The following SPTA1 variants were observed in gnomAD, a reference collection of about 807,000 sequenced individuals.
SPTA1 encodes spectrin alpha, erythrocytic 1, also known as spectrin alpha chain, erythrocytic 1.
Under a neutral mutation model 324.7 loss-of-function variants are expected in SPTA1, and 177 were observed. That is an observed-to-expected ratio of 0.55 (90% confidence interval 0.48 to 0.62). The LOEUF (loss-of-function observed/expected upper bound fraction) is 0.62. SPTA1 is among the 20% of genes least tolerant of loss of function. The probability of loss-of-function intolerance (pLI) is 0.00; values close to 1 mark genes in which losing one functional copy is unlikely to be tolerated. For missense variants in SPTA1, 3,162 were observed against 2,883.6 expected, an observed-to-expected ratio of 1.10 and a Z score of -2.21; for synonymous variants, 1,195 against 1,041.3, an observed-to-expected ratio of 1.15 and a Z score of -2.84.
chr1:158,648,664 A>G lies in SPTA1; in HGVS notation c.3570-11T>C, dbSNP rs551180246. 142 of 1,613,236 alleles carry G rather than the reference A, an allele frequency of 8.8e-5. 1 individual carries two copies. The South Asian group carries it at 1.4e-3, about 16-fold the overall frequency. ...GTGTCATCTGCTTCTCTGGTATACA[A>G]GAGAGTAGAGAGTTCAAAAGTAAGG... On this transcript the variant is annotated splice_polypyrimidine_tract_variant and intron_variant, in intron 25 of 51. Transcript: ENST00000643759.
intron 22 of SPTA1, 100 bp from the exon 23 acceptor site, chr1:158,652,753 G>A (rs2101863222): frequency 7.3e-7 from 1 of 1,376,978 alleles, no homozygotes; most frequent in African/African-American, 1.4e-5. Context: ...AAAAATGAAA[G>A]GGAAAACAAA....
At chr1:158,672,915 G>A (rs902719111) in intron 10 of SPTA1, among the ~76,000 whole-genome samples, 13 of 150,542 alleles carry the variant, frequency 8.6e-5, no homozygotes, top group Admixed American at 6.6e-4. Context: ...TGGCCAACAC[G>A]GTGAAACCCG....
At chr1:158,627,513 TTCTGCATATGATCTTAGCACTGCTC>T (rs1336668941) in intron 40 of SPTA1, 87 bp downstream of exon 40, 47 of 1,036,128 alleles carry the variant, frequency 4.5e-5, no homozygotes, top group East Asian at 1.4e-4. Flanking sequence ...ATTGTTAAAG[TTCTGCATATGATCTTAGCACTGCTC>T]TCTGCATATG....
rs375235247 is a variant in SPTA1, at chr1:158,667,985, C to T, written c.1911G>A (p.Leu637=). Reference sequence around the variant, plus strand: ...CTTGGCCAGTTTTCTGTATGTTTTCCAGCTGGGTCTTATTAACTGCCAACT... The same window carrying T: ...CTTGGCCAGTTTTCTGTATGTTTTCTAGCTGGGTCTTATTAACTGCCAACT... The part of the protein sequence containing the change: ...EKELAVNKTQ[L]ENIQKTGQEM... The change falls in exon 15 of 52, where the codon CTG becomes CTA. Residue 637 remains leucine (L), a synonymous_variant. Coordinates refer to ENST00000643759, the MANE Select transcript of SPTA1 (RefSeq NM_003126.4). The T allele has an allele frequency of 1.1e-5, 18 of 1,613,466 alleles. No homozygotes were observed. Among genetic ancestry groups the T allele is most frequent in the Non-Finnish European group, 1.4e-5 (16 of 1,179,948 alleles).
At chr1:158,632,623 A>G (rs1258411364) in intron 39 of SPTA1, among the ~76,000 whole-genome samples, 1 of 152,250 alleles carries the variant, frequency 6.6e-6, no homozygotes, top group African/African-American at 2.4e-5. Context: ...CTATATATCT[A>G]TGTGAATGAC....
intron 47 of SPTA1, 109 bp downstream of exon 47, chr1:158,617,428 T>C: frequency 2.4e-6 from 2 of 847,480 alleles, no homozygotes; most frequent in Non-Finnish European, 4.0e-6. Flanking sequence ...TAAAATGGAC[T>C]TCAGGTGATA....
intron 5 of SPTA1, among the ~76,000 whole-genome samples, chr1:158,680,273 A>G (rs1654705143): frequency 6.6e-6 from 1 of 152,084 alleles, no homozygotes; most frequent in Non-Finnish European, 1.5e-5. Context: ...AACATGAGTA[A>G]TCAGTGTACT....
Position 158,684,711 on chromosome 1 carries a change from C to T in SPTA1, c.264+397G>A, listed in dbSNP as rs60768288. On this transcript the variant is annotated intron_variant, in intron 2 of 51. Transcript: ENST00000643759. ...GAAAAAAAATTGATGTAATTTTTTA[C>T]TTTTGGCATTGATGAATGCTTCACC... Among the ~76,000 whole-genome samples the T allele has an allele frequency of 6.1e-3, 921 of 152,134 alleles. 8 individuals carry two copies. The highest frequency in any genetic ancestry group is 0.021 in the African/African-American group (868 of 41,534).
In SPTA1 at chr1:158,645,169, A is replaced by G. The variant is rs186660524; in HGVS notation, c.4194+19T>C. On this transcript the variant is annotated intron_variant, in intron 29 of 51. Transcript: ENST00000643759. ...AACAGACTACTGAACCTGCTTAACA[A>G]TTGGGAAATTTGCTGTACCTGCAAC... 3 of 1,613,538 alleles carry G rather than the reference A, an allele frequency of 1.9e-6. No individual in the cohort carries two copies. In the African/African-American group the frequency reaches 4.0e-5, roughly 22 times the overall value.
rs1300554904 is a variant in SPTA1 at position 158,685,239 on chromosome 1, T to G, written c.133A>C (p.Arg45=). The part of the protein sequence containing the change: ...YQSFKERVAE[R]GQKLEDSYHL... ...TAGGAATCCTCAAGCTTCTGACCCC[T>G]CTCAGCGACCCGCTCCTTGAAACTT... The change falls in exon 2 of 52, where the codon AGG becomes CGG. Residue 45 remains arginine (R), a synonymous_variant. Transcript: ENST00000643759. 1.3e-5 allele frequency: 21 copies of G among 1,613,652 alleles called. No individual in the cohort carries two copies. Among genetic ancestry groups the G allele is most frequent in the Non-Finnish European group, 1.7e-5 (20 of 1,179,812 alleles).
chr1:158,659,595 A>ATTATTATTTTTTTTTTTTTTTTTTTTTTT (rs1345384278), intron 18 of SPTA1, among the ~76,000 whole-genome samples: 1 of 68,716 alleles, frequency 1.5e-5, no homozygotes, highest in Non-Finnish European at 3.3e-5. Flanking sequence ...TCTTAGCATT[A>ATTATTATTTTTTTTTTTTTTTTTTTTTTT]TTTTTTTTTT....
At position 158,674,650 on chromosome 1, in the gene SPTA1, CA is replaced by C; in HGVS notation, c.1137del (p.Phe379LeufsTer8). 1 of 1,613,890 alleles carries C rather than the reference CA, an allele frequency of 6.2e-7. No homozygotes were observed. The highest frequency in any genetic ancestry group is 8.5e-7 in the Non-Finnish European group (1 of 1,179,966). ...TYWYHRFSSD[F>X]DELSGWMNEK... is the part of the protein sequence containing the mutation. Reference sequence around the variant, plus strand: ...TCGTTCATCCAGCCTGAGAGTTCATCAAAGTCAGATGAAAATCGATGGTACC... The same window carrying C: ...TCGTTCATCCAGCCTGAGAGTTCATCAAGTCAGATGAAAATCGATGGTACC... On this transcript the variant is annotated frameshift_variant, in exon 9 of 52. Coordinates refer to ENST00000643759, the MANE Select transcript of SPTA1 (RefSeq NM_003126.4). LOFTEE classifies it high-confidence loss of function.
intron 20 of SPTA1, among the ~76,000 whole-genome samples, chr1:158,655,525 A>G (rs1486892640): frequency 6.6e-6 from 1 of 151,934 alleles, no homozygotes; most frequent in Non-Finnish European, 1.5e-5. Context: ...CTCATACCAC[A>G]CAATATATAA....
At chr1:158,654,858 C>T in intron 20 of SPTA1, 110 bp from the exon 21 acceptor site, 1 of 1,454,852 alleles carries the variant, frequency 6.9e-7, no homozygotes, top group Non-Finnish European at 9.5e-7. Context: ...GAGCCTCTGG[C>T]TGGAACCTCT....
intron 33 of SPTA1, among the ~76,000 whole-genome samples, chr1:158,641,625 A>G (rs1164234837): frequency 1.3e-5 from 2 of 152,220 alleles, no homozygotes; most frequent in Admixed American, 1.3e-4. Context: ...ATCTCACACC[A>G]GTTAGAATGG....
chr1:158,633,662 A>G (rs960201834), intron 39 of SPTA1, among the ~76,000 whole-genome samples: 7 of 119,922 alleles, frequency 5.8e-5, no homozygotes, highest in Middle Eastern at 4.7e-3. Flanking sequence ...CTCTGTCTCG[A>G]AAAAAAAAAA....
Position 158,638,153 on chromosome 1 carries a change from T to C in SPTA1, c.5069A>G (p.Asn1690Ser), listed in dbSNP as rs750345614. Residue 1690 changes from asparagine (N) to serine (S), a missense_variant, in exon 36 of 52, where the codon AAT becomes AGT. Physicochemically the swap from Asn to Ser is conservative, Grantham distance 46 (BLOSUM62 1). Coordinates refer to ENST00000643759, the MANE Select transcript of SPTA1 (RefSeq NM_003126.4). ...GACATTCAGGAAACGCTTGTTGACA[T>C]TATCTTTTTTCTTCACAATCTGATC... Reference protein sequence around the residue: ...NVDQIVKKKDNVNKRFLNVQE... With the variant: ...NVDQIVKKKDSVNKRFLNVQE... 6.2e-7 allele frequency: 1 copy of C among 1,614,008 alleles called. No individual in the cohort carries two copies. The highest frequency in any genetic ancestry group is 8.5e-7 in the Non-Finnish European group (1 of 1,179,958).
At chr1:158,620,787 G>A (rs555583144) in intron 43 of SPTA1, 1 of 187,606 alleles carries the variant, frequency 5.3e-6, no homozygotes, top group African/African-American at 2.8e-5. Context: ...TCAATTATAT[G>A]ATTTCTTGTT....
intron 10 of SPTA1, among the ~76,000 whole-genome samples, chr1:158,673,661 G>T (rs778177041): frequency 1.3e-5 from 2 of 152,188 alleles, no homozygotes; most frequent in African/African-American, 2.4e-5. Flanking sequence ...TGAATAAGGT[G>T]CAGTCCTCCT....
Sources: gnomAD v4.1 joint callset for allele counts (sites outside exome capture counted in the v4.1 genomes callset) on GRCh38, gnomAD v4.1.1 for gene constraint, MANE v1.5 for transcripts, NCBI Gene and HGNC (gene_info 2026-07-23, HGNC 2026-07-21) for gene names.